Variants in TRPM3 observed in about 807,000 individuals in gnomAD.
The protein encoded by TRPM3 is long transient receptor potential channel 3.
TRPM3 carries 77 observed loss-of-function variants against 181.2 expected under a neutral mutation model. The ratio of observed to expected loss-of-function variants is 0.42; its 90% CI spans 0.35 to 0.51. The LOEUF is 0.51. TRPM3 is among the 20% of genes least tolerant of loss of function. The pLI is 0.01. For synonymous variants in TRPM3, 745 were observed against 796.4 expected, an observed-to-expected ratio of 0.94 and a Z score of 1.09; for missense variants, 1,759 against 2,196.7, an observed-to-expected ratio of 0.80 and a Z score of 3.98.
At chr9:71,168,555 TATTTA>T (rs1286071158) in intron 1 of TRPM3, among the ~76,000 whole-genome samples, 6 of 107,004 alleles carry the variant, frequency 5.6e-5, no homozygotes, top group African/African-American at 2.1e-4. Context: ...TTTATTTATT[TATTTA>T]TTTATTTATT....
intron 1 of TRPM3, among the ~76,000 whole-genome samples, chr9:71,192,627 GT>G (rs2078103409): frequency 6.6e-6 from 1 of 151,656 alleles, no homozygotes; most frequent in South Asian, 2.1e-4. Context: ...GCTATTTAGT[GT>G]GACTTCCTTA....
At chr9:70,995,427 A>T (rs2097532736) in intron 1 of TRPM3, among the ~76,000 whole-genome samples, 1 of 152,176 alleles carries the variant, frequency 6.6e-6, no homozygotes, top group Admixed American at 6.5e-5. Context: ...GATTACTTTT[A>T]AAAAAATTCT....
chr9:71,094,283 A>G (rs2066735466), intron 1 of TRPM3, among the ~76,000 whole-genome samples: 1 of 152,170 alleles, frequency 6.6e-6, no homozygotes, highest in African/African-American at 2.4e-5. Context: ...AAATTTTAAA[A>G]AAAACTTAAA....
intron 1 of TRPM3, among the ~76,000 whole-genome samples, chr9:71,250,368 A>C (rs1246638116): frequency 6.6e-6 from 1 of 152,018 alleles, no homozygotes; most frequent in East Asian, 1.9e-4. Context: ...CATTTTATTT[A>C]TGAATTCATT....
chr9:70,890,735 G>A (rs931206894), intron 1 of TRPM3, among the ~76,000 whole-genome samples: 6 of 152,092 alleles, frequency 3.9e-5, no homozygotes, highest in African/African-American at 1.4e-4. Flanking sequence ...AACTCCACAT[G>A]CTGCAACATT....
chr9:71,032,611 C>T (rs949761772), intron 1 of TRPM3, among the ~76,000 whole-genome samples: 1 of 152,102 alleles, frequency 6.6e-6, no homozygotes, highest in Admixed American at 6.5e-5. Context: ...TAAAATTCCA[C>T]TGGGAATAAA....
At chr9:70,599,642 C>G (rs1175736701) in intron 20 of TRPM3, among the ~76,000 whole-genome samples, 4 of 152,182 alleles carry the variant, frequency 2.6e-5, no homozygotes, top group African/African-American at 9.7e-5. Flanking sequence ...ACTTTCTTCT[C>G]CCAGATCTGT....
At chr9:70,974,740 T>C (rs903910033) in intron 1 of TRPM3, among the ~76,000 whole-genome samples, 3 of 150,990 alleles carry the variant, frequency 2.0e-5, no homozygotes, top group Non-Finnish European at 4.4e-5. Flanking sequence ...AAAATAATAA[T>C]AATAATAAAT....
chr9:70,790,334 G>A (rs570458217), intron 6 of TRPM3, among the ~76,000 whole-genome samples: 1 of 152,144 alleles, frequency 6.6e-6, no homozygotes, highest in East Asian at 1.9e-4. Context: ...AAGGGGATTT[G>A]CACTTTAAGT....
At chr9:71,361,367 C>T (rs371607592) in intron 1 of TRPM3, among the ~76,000 whole-genome samples, 1 of 152,098 alleles carries the variant, frequency 6.6e-6, no homozygotes, top group Non-Finnish European at 1.5e-5. Context: ...AAAAAATTAA[C>T]TCCCAAAGAG....
intron 1 of TRPM3, among the ~76,000 whole-genome samples, chr9:71,225,361 T>C (rs1271103511): frequency 6.6e-6 from 1 of 151,860 alleles, no homozygotes; most frequent in Non-Finnish European, 1.5e-5. Context: ...ACTTTTACCC[T>C]AGAATAGTAT....
intron 1 of TRPM3, among the ~76,000 whole-genome samples, chr9:71,341,964 T>C (rs2090991843): frequency 1.3e-5 from 2 of 151,624 alleles, no homozygotes; most frequent in Admixed American, 6.6e-5. Context: ...CTTCCAAAAA[T>C]TGAGGCAGAG....
At chr9:70,763,052 T>C (rs549843840) in intron 7 of TRPM3, among the ~76,000 whole-genome samples, 1 of 152,300 alleles carries the variant, frequency 6.6e-6, no homozygotes, top group Admixed American at 6.5e-5. Flanking sequence ...TATGTGAGGT[T>C]CATCTGAACT....
intron 22 of TRPM3, among the ~76,000 whole-genome samples, chr9:70,577,025 T>C (rs1376145833): frequency 1.3e-5 from 2 of 152,154 alleles, no homozygotes; most frequent in African/African-American, 4.8e-5. Context: ...CTCTATAAAA[T>C]TGTGTGCCCA....
At chr9:70,980,894 A>G (rs1490204892) in intron 1 of TRPM3, among the ~76,000 whole-genome samples, 1 of 152,038 alleles carries the variant, frequency 6.6e-6, no homozygotes, top group Non-Finnish European at 1.5e-5. Flanking sequence ...CCACCTTTCC[A>G]TCCTCTCCTA....
chr9:70,777,381 C>T (rs1353397043), intron 7 of TRPM3, among the ~76,000 whole-genome samples: 2 of 151,996 alleles, frequency 1.3e-5, no homozygotes, highest in Non-Finnish European at 2.9e-5. Flanking sequence ...GTGCTTTCTT[C>T]CCTGAAGAAG....
chr9:71,071,778 T>C (rs1009973045), intron 1 of TRPM3, among the ~76,000 whole-genome samples: 4 of 152,128 alleles, frequency 2.6e-5, no homozygotes, highest in African/African-American at 9.7e-5. Flanking sequence ...CATTTAACAC[T>C]CCTGAACCTG....
intron 1 of TRPM3, among the ~76,000 whole-genome samples, chr9:71,059,597 T>C (rs1385447032): frequency 2.0e-5 from 3 of 152,038 alleles, no homozygotes; most frequent in African/African-American, 4.8e-5. Context: ...TCAACATCTA[T>C]AATCAGTTGA....
In TRPM3 at chr9:70,784,277, T is replaced by C; in HGVS notation, c.976A>G (p.Ile326Val). ...GCCACCACAGGAACACCTTGACCGA[T>C]TCCTGCATTAAAAAAGGAAAAGAAA... is the stretch of plus-strand genomic sequence containing the variant. ...HISLQKINTR[I>V]GQGVPVVALI... Residue 326 changes from isoleucine to valine, a missense_variant and splice_region_variant, in exon 7 of 26, where the codon ATC becomes GTC. Around this residue, in one of 8 missense-constraint regions of TRPM3, gnomAD observed 737 missense variants for 957.4 expected, o/e 0.77. Transcript: ENST00000677713. 1 of 1,577,180 alleles carries C rather than the reference T, an allele frequency of 6.3e-7. No homozygotes were observed. The highest frequency in any genetic ancestry group is 8.6e-7 in the Non-Finnish European group (1 of 1,159,050).
Sources: gnomAD v4.1 joint callset for allele counts (sites outside exome capture counted in the v4.1 genomes callset) on GRCh38, gnomAD v4.1.1 for gene constraint, gnomAD v4.1.1 regional missense constraint, MANE v1.5 for transcripts, NCBI Gene and HGNC (gene_info 2026-07-23, HGNC 2026-07-21) for gene names.